The following DNAJC15 variants were observed in gnomAD, a reference collection of about 807,000 sequenced individuals.
DNAJC15 encodes the protein dnaJ homolog subfamily C member 15.
DNAJC15 carries 27 observed loss-of-function variants against 22.4 expected under a neutral mutation model. That is an observed-to-expected ratio of 1.20 (90% confidence interval 0.89 to 1.66). The LOEUF (loss-of-function observed/expected upper bound fraction) is 1.66. DNAJC15 is among the 40% of genes most tolerant of loss of function. The pLI is 0.00. For synonymous variants in DNAJC15, 79 were observed against 63.2 expected (o/e 1.25, Z -1.19); for missense variants, 208 against 187.1 (o/e 1.11, Z -0.65).
At chr13:43,107,071 A>T (rs936901338) in intron 5 of DNAJC15, 107 bp from the exon 6 acceptor site, 2 of 845,558 alleles carry the variant, frequency 2.4e-6, no homozygotes, top group Admixed American at 8.0e-5. Context: ...TTGTCAGAGG[A>T]TTAATGTGTG....
intron 1 of DNAJC15, among the ~76,000 whole-genome samples, chr13:43,038,659 G>T (rs1419992299): frequency 6.6e-6 from 1 of 152,078 alleles, no homozygotes; most frequent in Non-Finnish European, 1.5e-5. Flanking sequence ...AGGCTTGGTG[G>T]CTGGCTCCTG....
At chr13:43,031,213 C>T (rs554383735) in intron 1 of DNAJC15, among the ~76,000 whole-genome samples, 19 of 151,988 alleles carry the variant, frequency 1.3e-4, no homozygotes, top group African/African-American at 3.6e-4. Flanking sequence ...TTTGATTTTT[C>T]GAAAGAAACC....
chr13:43,052,180 G>T (rs1340557108), intron 1 of DNAJC15, among the ~76,000 whole-genome samples: 1 of 152,000 alleles, frequency 6.6e-6, no homozygotes, highest in Non-Finnish European at 1.5e-5. Flanking sequence ...GGCCAGGATG[G>T]TCTCGATCTC....
chr13:43,072,298 T>C (rs750370901), intron 3 of DNAJC15, among the ~76,000 whole-genome samples: 2 of 152,188 alleles, frequency 1.3e-5, no homozygotes, highest in African/African-American at 2.4e-5. Context: ...TCTTTAGTTC[T>C]GTAAGATTTT....
rs1280902926 is a variant in DNAJC15, at chr13:43,111,979, A to T, written c.*4731A>T. On this transcript the variant is annotated 3_prime_UTR_variant, in exon 6 of 6. Transcript: ENST00000379221. ...GTTAGCATAATTTATTAGCTGGAAA[A>T]GTTGAGAAGGTTCTCTGGACTCATT... 6.6e-6 allele frequency: 1 copy of T among 152,226 alleles called. No homozygotes were observed. Among genetic ancestry groups the T allele is most frequent in the Non-Finnish European group, 1.5e-5 (1 of 68,046 alleles). The allele number at this position is 152,226 out of a possible 1,614,324, so 9.4% of individuals were successfully genotyped here.
At chr13:43,077,319 T>C (rs78044691) in intron 3 of DNAJC15, among the ~76,000 whole-genome samples, 6,409 of 152,250 alleles carry the variant, frequency 0.042, 472 homozygotes, top group African/African-American at 0.15. Flanking sequence ...AGATAAAGAT[T>C]AGCAAGCTAT....
chr13:43,088,736 T>A (rs553525866), intron 5 of DNAJC15, among the ~76,000 whole-genome samples: 24 of 152,310 alleles, frequency 1.6e-4, no homozygotes, highest in Admixed American at 2.6e-4. Flanking sequence ...TGTAATTTCT[T>A]ACAGTATATT....
At chr13:43,039,377 A>T (rs2040442952) in intron 1 of DNAJC15, among the ~76,000 whole-genome samples, 1 of 152,208 alleles carries the variant, frequency 6.6e-6, no homozygotes, top group Non-Finnish European at 1.5e-5. Flanking sequence ...ATAAAATTAT[A>T]GTGTTTCTAT....
intron 3 of DNAJC15, among the ~76,000 whole-genome samples, chr13:43,076,129 G>T (rs149620375): frequency 6.6e-6 from 1 of 152,156 alleles, no homozygotes. Context: ...TGTGTCAGGG[G>T]TGGGGGACTA....
rs1207207280 is a variant in DNAJC15, at chr13:43,078,551, T to C, written c.235-61T>C. On this transcript the variant is annotated intron_variant, in intron 3 of 5. Coordinates refer to ENST00000379221, the MANE Select transcript of DNAJC15 (RefSeq NM_013238.3). ...CTCTCACTGCAGCTACATGATGAGA[T>C]TGAGGTCATGCCACCTCATACGTGG... The C allele has an allele frequency of 1.3e-5, 18 of 1,371,692 alleles. No homozygotes were observed. In the African/African-American group the frequency reaches 2.3e-4, roughly 17 times the overall value. The allele number at this position is 1,371,692 out of a possible 1,614,324, so 85.0% of individuals were successfully genotyped here. A position where few individuals can be genotyped will look rare whatever the true frequency, so the allele number is the denominator to read the frequency against.
intron 5 of DNAJC15, among the ~76,000 whole-genome samples, chr13:43,103,558 C>T (rs867038613): frequency 3.3e-5 from 5 of 152,280 alleles, no homozygotes; most frequent in Middle Eastern, 3.4e-3. Context: ...TGCTTTTAGC[C>T]TAGCACATGA....
chr13:43,073,246 T>A (rs1158156750), intron 3 of DNAJC15, among the ~76,000 whole-genome samples: 1 of 152,234 alleles, frequency 6.6e-6, no homozygotes, highest in African/African-American at 2.4e-5. Context: ...TAGGTGGGTT[T>A]GTTAACAGGC....
At chr13:43,092,221 A>C (rs76171078) in intron 5 of DNAJC15, among the ~76,000 whole-genome samples, 3,482 of 152,152 alleles carry the variant, frequency 0.023, 147 homozygotes, top group African/African-American at 0.08. Flanking sequence ...CCTTGTTTTA[A>C]ATATCTCTCA....
chr13:43,096,986 C>T (rs572100372), intron 5 of DNAJC15, among the ~76,000 whole-genome samples: 10 of 152,316 alleles, frequency 6.6e-5, no homozygotes, highest in African/African-American at 1.9e-4. Flanking sequence ...CTCAGAATAA[C>T]CACCCTACCA....
Position 43,027,802 on chromosome 13 carries a change from G to A in DNAJC15, c.108+4068G>A, listed in dbSNP as rs1217866458. Among the ~76,000 whole-genome samples the A allele has an allele frequency of 6.6e-5, 10 of 151,928 alleles. No individual in the cohort carries two copies. In the East Asian group the frequency reaches 1.5e-3, roughly 23 times the overall value. Reference sequence around the variant, plus strand: ...CTCCCAAGTAGCTGGGACCACAGGCGCCTGCCACCACGCCCAGCTAATTTT... The same window carrying A: ...CTCCCAAGTAGCTGGGACCACAGGCACCTGCCACCACGCCCAGCTAATTTT... On this transcript the variant is annotated intron_variant, in intron 1 of 5. Coordinates refer to ENST00000379221, the MANE Select transcript of DNAJC15 (RefSeq NM_013238.3).
rs2040816112 is a variant in DNAJC15, at chr13:43,109,842, TAGAACTTAA to T, written c.*2597_*2605del. The T allele has an allele frequency of 6.7e-6, 1 of 149,716 alleles. No individual in the cohort carries two copies. The highest frequency in any genetic ancestry group is 2.4e-5 in the African/African-American group (1 of 41,262). The allele number at this position is 149,716 out of a possible 1,614,324, so 9.3% of individuals were successfully genotyped here. A position where few individuals can be genotyped will look rare whatever the true frequency, so the allele number is the denominator to read the frequency against. ...ACCTGCACGTTGTGCACATGTGCCC[TAGAACTTAA>T]AGTATAATAAAAAGAAATTTTAAAA... is the stretch of plus-strand genomic sequence containing the variant. On this transcript the variant is annotated 3_prime_UTR_variant, in exon 6 of 6. Transcript: ENST00000379221.
chr13:43,042,386 C>T (rs552538774), intron 1 of DNAJC15, among the ~76,000 whole-genome samples: 15 of 152,286 alleles, frequency 9.8e-5, no homozygotes, highest in African/African-American at 3.6e-4. Context: ...AGTTTTGTTT[C>T]TTCCTCCTTC....
chr13:43,048,613 A>G (rs112636581), intron 1 of DNAJC15, among the ~76,000 whole-genome samples: 2,233 of 152,342 alleles, frequency 0.015, 46 homozygotes, highest in African/African-American at 0.05. Context: ...TAAAAACTAA[A>G]TTTCTAAATT....
intron 1 of DNAJC15, among the ~76,000 whole-genome samples, chr13:43,029,795 A>C (rs2040396507): frequency 6.6e-6 from 1 of 152,170 alleles, no homozygotes; most frequent in Admixed American, 6.5e-5. Flanking sequence ...AACTAAAATT[A>C]GATATTCTTT....
Sources: allele counts gnomAD v4.1 joint callset (sites outside exome capture counted in the v4.1 genomes callset), GRCh38; gene constraint gnomAD v4.1.1; transcripts MANE v1.5; gene names NCBI Gene and HGNC (gene_info 2026-07-23, HGNC 2026-07-21).